CDH13: variants seen among roughly 807,000 people sequenced by gnomAD.
CDH13 encodes the protein cadherin 13.
A neutral mutation model predicts 63.8 loss-of-function variants in CDH13; 24 were observed. The observed-to-expected ratio is 0.38, with a 90% CI of 0.27 to 0.53. CDH13 has a LOEUF of 0.53. CDH13 is among the 20% of genes least tolerant of loss of function. The pLI, the probability that CDH13 is intolerant of heterozygous loss-of-function variation, is 0.85. For missense variants in CDH13, 1,049 were observed against 903.1 expected, an observed-to-expected ratio of 1.16 and a Z score of -2.07; for synonymous variants, 503 against 355.3, an observed-to-expected ratio of 1.42 and a Z score of -4.67.
chr16:82,906,905 C>G (rs1192372061), intron 2 of CDH13, among the ~76,000 whole-genome samples: 1 of 152,128 alleles, frequency 6.6e-6, no homozygotes, highest in Non-Finnish European at 1.5e-5. Flanking sequence ...GTAAGGACAC[C>G]AGTCTTTGAG....
chr16:82,783,170 G>T (rs2035845394), intron 1 of CDH13, among the ~76,000 whole-genome samples: 1 of 152,220 alleles, frequency 6.6e-6, no homozygotes, highest in Non-Finnish European at 1.5e-5. Flanking sequence ...GCTTCCAGGA[G>T]CATGGGCAAT....
intron 2 of CDH13, among the ~76,000 whole-genome samples, chr16:82,959,735 C>G (rs762029537): frequency 1.3e-5 from 2 of 152,166 alleles, no homozygotes; most frequent in Admixed American, 1.3e-4. Context: ...TTTATAAGTT[C>G]CTTTATATCT....
chr16:83,429,913 C>T (rs1273885363), intron 6 of CDH13, among the ~76,000 whole-genome samples: 2 of 152,208 alleles, frequency 1.3e-5, no homozygotes, highest in African/African-American at 2.4e-5. Flanking sequence ...GCTTGCCTGG[C>T]TGAAAACTGA....
intron 4 of CDH13, among the ~76,000 whole-genome samples, chr16:83,145,501 T>C (rs2036710187): frequency 6.6e-6 from 1 of 152,232 alleles, no homozygotes; most frequent in Non-Finnish European, 1.5e-5. Flanking sequence ...TCATTATTTT[T>C]ACACTGGCTT....
At chr16:83,249,725 C>G (rs894693309) in intron 5 of CDH13, among the ~76,000 whole-genome samples, 6 of 152,156 alleles carry the variant, frequency 3.9e-5, no homozygotes, top group African/African-American at 1.4e-4. Context: ...CATGTCCATT[C>G]TAAGACAATG....
chr16:83,716,621 C>A (rs1908945101), intron 10 of CDH13, among the ~76,000 whole-genome samples: 1 of 152,056 alleles, frequency 6.6e-6, no homozygotes, highest in Admixed American at 6.6e-5. Context: ...GTAGCTGGGA[C>A]TACAGGCACG....
intron 1 of CDH13, among the ~76,000 whole-genome samples, chr16:82,803,557 G>A (rs1286547437): frequency 5.9e-5 from 9 of 152,160 alleles, no homozygotes; most frequent in Non-Finnish European, 7.3e-5. Flanking sequence ...TCCTGTAGTC[G>A]CTCTAAGTCG....
intron 7 of CDH13, among the ~76,000 whole-genome samples, chr16:83,506,268 C>T (rs934717272): frequency 1.3e-5 from 2 of 152,118 alleles, no homozygotes; most frequent in African/African-American, 2.4e-5. Flanking sequence ...AGATTTGGAG[C>T]CACTGATCTC....
intron 2 of CDH13, among the ~76,000 whole-genome samples, chr16:82,863,003 A>G (rs2040000499): frequency 6.6e-6 from 1 of 152,352 alleles, no homozygotes; most frequent in East Asian, 1.9e-4. Context: ...AGTGGCATGT[A>G]TCATTTCTGC....
intron 7 of CDH13, among the ~76,000 whole-genome samples, chr16:83,534,771 C>T (rs528886830): frequency 1.3e-5 from 2 of 152,308 alleles, no homozygotes; most frequent in Admixed American, 6.5e-5. Context: ...ATGAGCAATG[C>T]TGCTATGAGC....
chr16:83,197,903 T>C (rs777918147), intron 4 of CDH13, among the ~76,000 whole-genome samples: 2 of 152,056 alleles, frequency 1.3e-5, no homozygotes, highest in Non-Finnish European at 1.5e-5. Flanking sequence ...GTCAATATTT[T>C]AATTGTGACA....
intron 6 of CDH13, among the ~76,000 whole-genome samples, chr16:83,483,867 G>A (rs577345210): frequency 6.6e-6 from 1 of 152,230 alleles, no homozygotes; most frequent in Non-Finnish European, 1.5e-5. Flanking sequence ...GACCACTGTT[G>A]GATAACACTA....
intron 1 of CDH13, among the ~76,000 whole-genome samples, chr16:82,681,832 C>G (rs1165136833): frequency 6.6e-6 from 1 of 152,238 alleles, no homozygotes; most frequent in East Asian, 1.9e-4. Flanking sequence ...GTGTAAACAC[C>G]AACTTCCCTG....
chr16:83,452,045 C>T (rs1276384309), intron 6 of CDH13, among the ~76,000 whole-genome samples: 1 of 152,156 alleles, frequency 6.6e-6, no homozygotes, highest in African/African-American at 2.4e-5. Flanking sequence ...AATTGAGCCT[C>T]ATCTGCCCGG....
chr16:83,021,971 G>C (rs1046567721), intron 2 of CDH13, among the ~76,000 whole-genome samples: 2 of 152,204 alleles, frequency 1.3e-5, no homozygotes, highest in African/African-American at 4.8e-5. Context: ...ATGAAGGCTT[G>C]AGTGACTAGA....
Position 83,070,942 on chromosome 16 carries a change from G to C in CDH13, c.366+38724G>C, listed in dbSNP as rs146562300. Among the ~76,000 whole-genome samples, 473 of 150,742 alleles carry C rather than the reference G, an allele frequency of 3.1e-3. 1 individual carries two copies. The highest frequency in any genetic ancestry group is 5.2e-3 in the Non-Finnish European group (353 of 67,852). On this transcript the variant is annotated intron_variant, in intron 3 of 13. Transcript: ENST00000567109. Reference sequence around the variant, plus strand: ...ACAACCAATTTAAGTTAGGAGGGGAGTTATGCTTCACGCAGTCATGCCACA... The same window carrying C: ...ACAACCAATTTAAGTTAGGAGGGGACTTATGCTTCACGCAGTCATGCCACA...
rs112092400 is a variant in CDH13 at position 83,593,989 on chromosome 16, G to T, written c.961-8465G>T. On this transcript the variant is annotated intron_variant, in intron 7 of 13. Transcript: ENST00000567109. ...GCACTGATTATCTCACAGTTTCCCT[G>T]CTCAGGAATCTGGGCATTTCTTAGC... 1.2e-3 allele frequency among the ~76,000 whole-genome samples: 184 copies of T among 152,316 alleles called. 1 individual carries two copies. The highest frequency in any genetic ancestry group is 4.2e-3 in the African/African-American group (175 of 41,574).
rs887346467 is a variant in CDH13 at position 83,798,292 on chromosome 16, G to A, written c.*3262G>A. 3 of 152,190 alleles carry A rather than the reference G, an allele frequency of 2.0e-5. No individual in the cohort carries two copies. The highest frequency in any genetic ancestry group is 4.8e-5 in the African/African-American group (2 of 41,438). 9.4% of individuals were successfully genotyped at this position (152,190 alleles called of 1,614,324 possible). A position where few individuals can be genotyped will look rare whatever the true frequency, so the allele number is the denominator to read the frequency against. On this transcript the variant is annotated 3_prime_UTR_variant, in exon 14 of 14. Transcript: ENST00000567109. ...GTCTGTGTTTGATCCTGGATTTAGT[G>A]CAGTTGCACCCAGGCACGAGCTCTC... is the stretch of plus-strand genomic sequence containing the variant.
intron 1 of CDH13, among the ~76,000 whole-genome samples, chr16:82,753,316 T>C (rs934376784): frequency 3.3e-5 from 5 of 152,190 alleles, no homozygotes; most frequent in African/African-American, 1.2e-4. Flanking sequence ...TCAAAAACAA[T>C]ATGCATATCT....
Sources: gnomAD v4.1 joint callset for allele counts (sites outside exome capture counted in the v4.1 genomes callset) on GRCh38, gnomAD v4.1.1 for gene constraint, MANE v1.5 for transcripts, NCBI Gene and HGNC (gene_info 2026-07-23, HGNC 2026-07-21) for gene names.